Variants in DYNC1I1 observed in about 807,000 individuals in gnomAD.
DYNC1I1 encodes cytoplasmic dynein 1 intermediate chain 1.
Under a neutral mutation model 86.6 loss-of-function variants are expected in DYNC1I1, and 43 were observed. The ratio of observed to expected loss-of-function variants is 0.50; its 90% CI spans 0.39 to 0.64. The LOEUF (loss-of-function observed/expected upper bound fraction) is 0.64, where lower values mean the gene tolerates loss of function less well. Among genes scored for constraint, DYNC1I1 ranks in the 30% least tolerant of loss-of-function variants. The pLI, the probability that DYNC1I1 is intolerant of heterozygous loss-of-function variation, is 0.00. For synonymous variants in DYNC1I1, 262 were observed against 283.7 expected (o/e 0.92, Z 0.77); for missense variants, 604 against 788.8 (o/e 0.77, Z 2.81).
At chr7:95,909,627 C>T (rs1450075552) in intron 6 of DYNC1I1, among the ~76,000 whole-genome samples, 5 of 152,212 alleles carry the variant, frequency 3.3e-5, no homozygotes, top group Non-Finnish European at 4.4e-5. Flanking sequence ...ATAAATAAAT[C>T]GCATCACCCC....
intron 6 of DYNC1I1, among the ~76,000 whole-genome samples, chr7:95,952,015 T>TA (rs1379511121): frequency 6.6e-6 from 1 of 152,328 alleles, no homozygotes; most frequent in East Asian, 1.9e-4. Context: ...AGGACCTTTT[T>TA]ATTTAATAAG....
chr7:96,109,001 G>C (rs1458162977), intron 16 of DYNC1I1, among the ~76,000 whole-genome samples: 1 of 151,722 alleles, frequency 6.6e-6, no homozygotes, highest in Admixed American at 6.6e-5. Context: ...TTCATTTATT[G>C]GCATAAATTT....
rs76460958 is a variant in DYNC1I1 at position 95,985,556 on chromosome 7, C to T, written c.743+579C>T. On this transcript the variant is annotated intron_variant, in intron 8 of 16. Coordinates refer to ENST00000447467, the MANE Select transcript of DYNC1I1 (RefSeq NM_001135556.2). ...TAAATGACTTCCTCTGTGACTGTAG[C>T]ATAGGTATTAGAAAAGGCCATGACT... Among the ~76,000 whole-genome samples, 90 of 152,150 alleles carry T rather than the reference C, an allele frequency of 5.9e-4. 1 individual carries two copies. The East Asian group carries it at 0.014, about 23-fold the overall frequency.
chr7:96,013,918 C>T (rs1226267811), intron 10 of DYNC1I1, among the ~76,000 whole-genome samples: 2 of 152,140 alleles, frequency 1.3e-5, no homozygotes, highest in Non-Finnish European at 2.9e-5. Flanking sequence ...ACAGAATTAA[C>T]ATGATTTTCA....
At position 95,954,832 on chromosome 7, in the gene DYNC1I1, C is replaced by T. The variant is rs576055089; in HGVS notation, c.491-22680C>T. 2.1e-4 allele frequency among the ~76,000 whole-genome samples: 30 copies of T among 141,918 alleles called. No homozygotes were observed. The East Asian group carries it at 6.2e-3, about 29-fold the overall frequency. The allele number at this position is 141,918 out of a possible 152,430, so 93.1% of individuals were successfully genotyped here. A position where few individuals can be genotyped will look rare whatever the true frequency, so the allele number is the denominator to read the frequency against. On this transcript the variant is annotated intron_variant, in intron 6 of 16. Transcript: ENST00000447467. ...TCAGGAGGCTGAGGCAGGAGAATGG[C>T]GTGAACCCGGGAGGCGGAGCTTGCA...
intron 16 of DYNC1I1, among the ~76,000 whole-genome samples, chr7:96,089,909 A>C (rs1032083234): frequency 2.0e-5 from 3 of 152,166 alleles, no homozygotes; most frequent in Non-Finnish European, 2.9e-5. Flanking sequence ...AATATCAAGA[A>C]AAGAAGGGAT....
intron 4 of DYNC1I1, among the ~76,000 whole-genome samples, chr7:95,827,062 T>A (rs532552755): frequency 2.0e-5 from 3 of 152,252 alleles, no homozygotes; most frequent in African/African-American, 7.2e-5. Flanking sequence ...AGTTTCTGCA[T>A]TTCCAACAAA....
chr7:95,999,528 A>T (rs1793957863), intron 10 of DYNC1I1, among the ~76,000 whole-genome samples: 1 of 152,136 alleles, frequency 6.6e-6, no homozygotes, highest in South Asian at 2.1e-4. Flanking sequence ...TTATTCCTTC[A>T]TGGGCTTTGC....
chr7:95,980,110 A>T (rs890133208), intron 7 of DYNC1I1, among the ~76,000 whole-genome samples: 7 of 152,160 alleles, frequency 4.6e-5, no homozygotes, highest in African/African-American at 1.4e-4. Context: ...CTTAAGTTCC[A>T]AGCGAAAACA....
chr7:95,798,396 G>C (rs1460071516), intron 1 of DYNC1I1, among the ~76,000 whole-genome samples: 1 of 150,966 alleles, frequency 6.6e-6, no homozygotes, highest in Non-Finnish European at 1.5e-5. Flanking sequence ...TCATCCCTTG[G>C]CCTCCCATCC....
intron 6 of DYNC1I1, among the ~76,000 whole-genome samples, chr7:95,886,366 G>A (rs146090730): frequency 0.024 from 3,639 of 152,060 alleles, 123 homozygotes; most frequent in African/African-American, 0.075. Context: ...CTGGGGAGGC[G>A]GAGGTTGCAG....
At chr7:95,928,355 C>T (rs1187634600) in intron 6 of DYNC1I1, among the ~76,000 whole-genome samples, 2 of 152,092 alleles carry the variant, frequency 1.3e-5, no homozygotes, top group East Asian at 3.9e-4. Context: ...TTAAAGACAC[C>T]TCTATTCAAA....
intron 6 of DYNC1I1, among the ~76,000 whole-genome samples, chr7:95,951,688 C>T (rs1792559206): frequency 2.0e-5 from 3 of 152,346 alleles, no homozygotes; most frequent in South Asian, 2.1e-4. Context: ...CATGACACGA[C>T]GGTATCACCA....
chr7:96,049,364 A>G (rs1584278030), intron 14 of DYNC1I1, among the ~76,000 whole-genome samples: 1 of 152,200 alleles, frequency 6.6e-6, no homozygotes, highest in Admixed American at 6.5e-5. Flanking sequence ...TACTCTCTTG[A>G]AAATATTGGA....
intron 8 of DYNC1I1, among the ~76,000 whole-genome samples, chr7:95,986,698 C>T (rs1191940393): frequency 6.6e-6 from 1 of 151,966 alleles, no homozygotes; most frequent in Non-Finnish European, 1.5e-5. Context: ...GCTGTGCTCC[C>T]TTGATAGCAG....
At chr7:95,926,327 T>A (rs958301438) in intron 6 of DYNC1I1, among the ~76,000 whole-genome samples, 2 of 152,212 alleles carry the variant, frequency 1.3e-5, no homozygotes, top group Non-Finnish European at 2.9e-5. Flanking sequence ...GCATTTATAC[T>A]GTGAAGTACT....
intron 6 of DYNC1I1, among the ~76,000 whole-genome samples, chr7:95,887,233 G>A (rs1404497772): frequency 6.6e-6 from 1 of 152,144 alleles, no homozygotes. Flanking sequence ...ATGATCTGGG[G>A]TAGGGTCTTA....
At chr7:95,994,607 G>A (rs148989535) in intron 9 of DYNC1I1, among the ~76,000 whole-genome samples, 128 of 152,214 alleles carry the variant, frequency 8.4e-4, no homozygotes, top group Middle Eastern at 3.4e-3. Context: ...GTGGGAGGTG[G>A]GGAGAAAGAG....
At chr7:95,993,365 G>C (rs1292405284) in intron 9 of DYNC1I1, among the ~76,000 whole-genome samples, 1 of 152,154 alleles carries the variant, frequency 6.6e-6, no homozygotes, top group Admixed American at 6.5e-5. Flanking sequence ...AATGGAAAAA[G>C]AAAAGCTGCA....
Sources: gnomAD v4.1 joint callset for allele counts (sites outside exome capture counted in the v4.1 genomes callset) on GRCh38, gnomAD v4.1.1 for gene constraint, MANE v1.5 for transcripts, NCBI Gene and HGNC (gene_info 2026-07-23, HGNC 2026-07-21) for gene names.